The following TRPC6 variants were observed in gnomAD, a reference collection of about 807,000 sequenced individuals.
TRPC6 encodes transient receptor potential cation channel subfamily C member 6.
In TRPC6, 55 loss-of-function variants were observed where a neutral mutation model predicts 90.7. That is an observed-to-expected ratio of 0.61 (90% confidence interval 0.49 to 0.76). The LOEUF (loss-of-function observed/expected upper bound fraction) is 0.76, where lower values mean the gene tolerates loss of function less well. Ranked by LOEUF, TRPC6 falls within the 30% of genes least tolerant of loss-of-function variation. The pLI is 0.00. For missense variants in TRPC6, 989 were observed against 1,122.7 expected, an observed-to-expected ratio of 0.88 and a Z score of 1.70; for synonymous variants, 393 against 393.0, an observed-to-expected ratio of 1.00 and a Z score of 0.00.
At chr11:101,473,242 G>C (rs1255753879) in intron 7 of TRPC6, among the ~76,000 whole-genome samples, 3 of 152,056 alleles carry the variant, frequency 2.0e-5, no homozygotes, top group Non-Finnish European at 2.9e-5. Flanking sequence ...GTGAATTTCA[G>C]TTGCCTCTTG....
chr11:101,482,030 G>T (rs1565211094), intron 5 of TRPC6, among the ~76,000 whole-genome samples: 1 of 152,164 alleles, frequency 6.6e-6, no homozygotes, highest in Non-Finnish European at 1.5e-5. Context: ...CCACATTGAA[G>T]ATACTGCCCA....
At chr11:101,540,251 A>C (rs1052687112) in intron 1 of TRPC6, among the ~76,000 whole-genome samples, 1 of 152,234 alleles carries the variant, frequency 6.6e-6, no homozygotes, top group Admixed American at 6.5e-5. Context: ...TAGGAAGGGC[A>C]CAGGCAGAGC....
chr11:101,533,190 T>A (rs1860952013), intron 1 of TRPC6, among the ~76,000 whole-genome samples: 1 of 152,152 alleles, frequency 6.6e-6, no homozygotes, highest in African/African-American at 2.4e-5. Context: ...AAGACATACC[T>A]GAGACTGGGT....
chr11:101,559,716 G>A (rs1275691439), intron 1 of TRPC6, among the ~76,000 whole-genome samples: 4 of 150,716 alleles, frequency 2.7e-5, no homozygotes, highest in African/African-American at 9.8e-5. Flanking sequence ...CGTGTGCCAT[G>A]TTGGTGTGCT....
At chr11:101,531,209 T>C (rs1046961808) in intron 1 of TRPC6, among the ~76,000 whole-genome samples, 1 of 152,242 alleles carries the variant, frequency 6.6e-6, no homozygotes, top group Non-Finnish European at 1.5e-5. Context: ...ACCTTGAATA[T>C]ATACAATTTT....
intron 1 of TRPC6, among the ~76,000 whole-genome samples, chr11:101,536,705 T>C (rs1287146089): frequency 5.3e-5 from 8 of 152,178 alleles, no homozygotes; most frequent in Non-Finnish European, 2.9e-5. Flanking sequence ...AGGAGAATGA[T>C]GCCTCTCTGG....
chr11:101,527,809 C>G (rs1860813299), intron 1 of TRPC6, among the ~76,000 whole-genome samples: 1 of 152,092 alleles, frequency 6.6e-6, no homozygotes, highest in African/African-American at 2.4e-5. Flanking sequence ...CACAGTGGCT[C>G]ACACCTGTAA....
At chr11:101,476,641 CA>C in intron 5 of TRPC6, 107 bp from the exon 6 acceptor site, 1 of 1,060,788 alleles carries the variant, frequency 9.4e-7, no homozygotes. Context: ...CAAAACCCTT[CA>C]AAATTTGGTC....
intron 1 of TRPC6, among the ~76,000 whole-genome samples, chr11:101,579,650 G>T (rs1299115903): frequency 2.0e-5 from 3 of 152,146 alleles, no homozygotes; most frequent in Non-Finnish European, 4.4e-5. Context: ...GGCTAGTTAG[G>T]TAGGGTATAA....
At chr11:101,469,640 C>A in intron 9 of TRPC6, 139 bp from the exon 10 acceptor site, 1 of 583,286 alleles carries the variant, frequency 1.7e-6, no homozygotes, top group Non-Finnish European at 3.1e-6. Flanking sequence ...CTTCCCTTTG[C>A]AAGTGCTTGC....
intron 11 of TRPC6, among the ~76,000 whole-genome samples, chr11:101,454,220 A>T (rs1348285298): frequency 1.3e-5 from 2 of 152,202 alleles, no homozygotes; most frequent in Non-Finnish European, 2.9e-5. Context: ...GGCTTCTATC[A>T]TGCAAACATT....
At chr11:101,469,523 A>T in intron 9 of TRPC6, 22 bp from the exon 10 acceptor site, 1 of 741,596 alleles carries the variant, frequency 1.3e-6, no homozygotes, top group Non-Finnish European at 2.5e-6. Flanking sequence ...AGATAGTAAA[A>T]TGAGTATAAC....
chr11:101,480,925 T>C (rs1859536871), intron 5 of TRPC6, among the ~76,000 whole-genome samples: 1 of 152,144 alleles, frequency 6.6e-6, no homozygotes, highest in Non-Finnish European at 1.5e-5. Flanking sequence ...AGAAAAGAAA[T>C]AGAATAAAAT....
chr11:101,536,974 G>GATTT (rs1861063976), intron 1 of TRPC6, among the ~76,000 whole-genome samples: 1 of 152,184 alleles, frequency 6.6e-6, no homozygotes. Flanking sequence ...ATCTTGGAAA[G>GATTT]GTAGAATTGA....
chr11:101,544,595 C>G (rs899551064), intron 1 of TRPC6, among the ~76,000 whole-genome samples: 1 of 152,028 alleles, frequency 6.6e-6, no homozygotes, highest in Non-Finnish European at 1.5e-5. Context: ...ATGAATGAAG[C>G]TGGAAACCAT....
At chr11:101,477,031 T>C (rs755956074) in intron 5 of TRPC6, among the ~76,000 whole-genome samples, 3 of 152,088 alleles carry the variant, frequency 2.0e-5, no homozygotes, top group African/African-American at 4.8e-5. Context: ...TGAAAACCAC[T>C]GCCACTTTTG....
intron 1 of TRPC6, among the ~76,000 whole-genome samples, chr11:101,527,457 G>A (rs749173722): frequency 6.6e-6 from 1 of 152,066 alleles, no homozygotes; most frequent in Non-Finnish European, 1.5e-5. Context: ...AACATTCAAG[G>A]AAATACGGAT....
At position 101,542,095 on chromosome 11, in the gene TRPC6, T is replaced by C. The variant is rs137911370; in HGVS notation, c.171-37297A>G. Among the ~76,000 whole-genome samples the C allele has an allele frequency of 2.6e-3, 402 of 152,296 alleles. 2 individuals carry two copies. Among genetic ancestry groups the C allele is most frequent in the African/African-American group, 9.3e-3 (388 of 41,544 alleles). On this transcript the variant is annotated intron_variant, in intron 1 of 12. Coordinates refer to ENST00000344327, the MANE Select transcript of TRPC6 (RefSeq NM_004621.6). ...ATTCCTAGATAAATTTTTTTAATAA[T>C]TGAAAGAACTGAAATTAGAGCCATA... is the stretch of plus-strand genomic sequence containing the variant.
In TRPC6 at chr11:101,452,787, T is replaced by TAATC; in HGVS notation, c.*164_*167dup. The stretch of plus-strand genomic sequence containing the variant: ...AGCCTTTACCCTGAACAATGGAGTT[T>TAATC]AATCACCAAAAAAATTAGATACTAG... On this transcript the variant is annotated 3_prime_UTR_variant, in exon 13 of 13. Coordinates refer to ENST00000344327, the MANE Select transcript of TRPC6 (RefSeq NM_004621.6). 5.6e-6 allele frequency: 4 copies of TAATC among 709,290 alleles called. No individual in the cohort carries two copies. The highest frequency in any genetic ancestry group is 3.7e-5 in the South Asian group (2 of 54,500). The allele number at this position is 709,290 out of a possible 1,614,324, so 43.9% of individuals were successfully genotyped here. A position where few individuals can be genotyped will look rare whatever the true frequency, so the allele number is the denominator to read the frequency against.
Sources: gnomAD v4.1 joint callset for allele counts (sites outside exome capture counted in the v4.1 genomes callset) on GRCh38, gnomAD v4.1.1 for gene constraint, MANE v1.5 for transcripts, NCBI Gene and HGNC (gene_info 2026-07-23, HGNC 2026-07-21) for gene names.